Variants in TSNARE1 observed in about 807,000 individuals in gnomAD.
TSNARE1 encodes the protein t-SNARE domain-containing protein 1.
In TSNARE1, 49 loss-of-function variants were observed where a neutral mutation model predicts 62.0. The observed-to-expected ratio is 0.79, with a 90% CI of 0.63 to 1.00. TSNARE1 has a LOEUF of 1.00. Among genes scored for constraint, TSNARE1 ranks in the 50% least tolerant of loss-of-function variants. The pLI is 0.00. For synonymous variants in TSNARE1, 328 were observed against 294.4 expected (o/e 1.11, Z -1.17); for missense variants, 755 against 700.1 (o/e 1.08, Z -0.88).
At chr8:142,303,643 A>G (rs1826158556) in intron 9 of TSNARE1, among the ~76,000 whole-genome samples, 1 of 152,234 alleles carries the variant, frequency 6.6e-6, no homozygotes, top group African/African-American at 2.4e-5. Context: ...CCGGCTGGAC[A>G]CCGAACCAGT....
intron 13 of TSNARE1, among the ~76,000 whole-genome samples, chr8:142,227,378 C>G (rs1215984356): frequency 1.4e-4 from 16 of 111,404 alleles, no homozygotes; most frequent in Admixed American, 1.1e-3. Flanking sequence ...GCCAGGACCC[C>G]CATCCTGCCA....
intron 10 of TSNARE1, among the ~76,000 whole-genome samples, chr8:142,289,396 G>T (rs1823368449): frequency 6.6e-6 from 1 of 152,192 alleles, no homozygotes; most frequent in South Asian, 2.1e-4. Context: ...AGCAAGCCTG[G>T]GGCCCCTCCC....
At chr8:142,327,412 G>A (rs1460897469) in intron 6 of TSNARE1, among the ~76,000 whole-genome samples, 1 of 151,934 alleles carries the variant, frequency 6.6e-6, no homozygotes, top group Non-Finnish European at 1.5e-5. Context: ...CTCACAGTGG[G>A]ACTGAGGGGC....
chr8:142,317,020 C>T (rs751043058), intron 7 of TSNARE1, among the ~76,000 whole-genome samples: 86 of 152,066 alleles, frequency 5.7e-4, no homozygotes, highest in Middle Eastern at 3.4e-3. Context: ...ATTGGCGTCT[C>T]GCTCACACTG....
chr8:142,360,446 G>A (rs1347753289), intron 1 of TSNARE1, among the ~76,000 whole-genome samples: 1 of 152,180 alleles, frequency 6.6e-6, no homozygotes. Context: ...GGTGGGCAGA[G>A]GCTGCCAGGC....
In TSNARE1 at chr8:142,226,136, C is replaced by T. The variant is rs76653274; in HGVS notation, c.*11+3337G>A. Among the ~76,000 whole-genome samples the T allele has an allele frequency of 9.3e-3, 1,410 of 152,340 alleles. 12 individuals are homozygous for T. The highest frequency in any genetic ancestry group is 0.015 in the Non-Finnish European group (1,020 of 68,024). ...CTGTTCCCAAATAAGGCCATGTTCA[C>T]AGGTGCTGGGGTGGAGACCCTGATT... is the stretch of plus-strand genomic sequence containing the variant. On this transcript the variant is annotated intron_variant, in intron 13 of 13. Transcript: ENST00000524325.
Position 142,390,312 on chromosome 8 carries a change from G to A in TSNARE1, c.-40+12792C>T, listed in dbSNP as rs1241645569. Among the ~76,000 whole-genome samples the A allele has an allele frequency of 6.6e-5, 10 of 150,426 alleles. No individual in the cohort carries two copies. The South Asian group carries it at 8.6e-4, about 13-fold the overall frequency. On this transcript the variant is annotated intron_variant, in intron 1 of 13. Transcript: ENST00000524325. ...CACTGCGGGGGACTCCGTAACAGAC[G>A]CTGTACACTGCGGGGGACTCCGTAA...
At chr8:142,287,799 C>T (rs1286413339) in intron 10 of TSNARE1, among the ~76,000 whole-genome samples, 1 of 148,932 alleles carries the variant, frequency 6.7e-6, no homozygotes, top group Admixed American at 6.7e-5. Context: ...GTGGGCCACC[C>T]TCCAGGATGT....
intron 12 of TSNARE1, chr8:142,271,503 A>G: frequency 1.5e-6 from 2 of 1,328,518 alleles, no homozygotes; most frequent in Non-Finnish European, 1.9e-6. Flanking sequence ...GAGGGCGGGG[A>G]AGGCTGGAAG....
chr8:142,343,089 G>A (rs141429811), intron 4 of TSNARE1, among the ~76,000 whole-genome samples: 1 of 152,268 alleles, frequency 6.6e-6, no homozygotes, highest in East Asian at 1.9e-4. Flanking sequence ...TGACCCATCA[G>A]ACACCAATAA....
intron 6 of TSNARE1, among the ~76,000 whole-genome samples, chr8:142,323,812 G>A (rs1285251576): frequency 6.6e-6 from 1 of 152,206 alleles, no homozygotes; most frequent in Non-Finnish European, 1.5e-5. Context: ...CCTCCCGCTT[G>A]TGTCTCACTT....
intron 9 of TSNARE1, among the ~76,000 whole-genome samples, chr8:142,302,558 C>T (rs1033195301): frequency 6.6e-6 from 1 of 152,130 alleles, no homozygotes; most frequent in Non-Finnish European, 1.5e-5. Flanking sequence ...CTTGCTGTCC[C>T]CACCCCCGTC....
At position 142,344,246 on chromosome 8, in the gene TSNARE1, G is replaced by C; in HGVS notation, c.465C>G (p.Ala155=). 5 of 1,611,618 alleles carry C rather than the reference G, an allele frequency of 3.1e-6. No homozygotes were observed. The highest frequency in any genetic ancestry group is 4.2e-6 in the Non-Finnish European group (5 of 1,178,406). ...QLLFGTGLLK[A]EPTRRYRVWS... ...ACACGCGGTACCTGCGAGTGGGCTC[G>C]GCCTTCAGCAGCCCCGTGCCAAACA... Residue 155 remains alanine (A), a synonymous_variant, in exon 4 of 14, where the codon GCC becomes GCG. Transcript: ENST00000524325.
chr8:142,317,336 T>C (rs547303201), intron 7 of TSNARE1, among the ~76,000 whole-genome samples: 21 of 139,174 alleles, frequency 1.5e-4, no homozygotes, highest in Admixed American at 9.9e-4. Context: ...GAAGCGGGTA[T>C]GGCCAGCGGC....
chr8:142,275,993 C>T (rs943383700), intron 11 of TSNARE1: 1 of 985,448 alleles, frequency 1.0e-6, no homozygotes, highest in East Asian at 1.1e-4. Flanking sequence ...AACCCATGAG[C>T]CCTGCCTTCA....
At chr8:142,340,570 G>A (rs1162772710) in intron 4 of TSNARE1, among the ~76,000 whole-genome samples, 2 of 152,214 alleles carry the variant, frequency 1.3e-5, no homozygotes, top group African/African-American at 4.8e-5. Flanking sequence ...ACTTTAAAAG[G>A]GTGAAACGAC....
At chr8:142,399,401 G>A (rs1254815681) in intron 1 of TSNARE1, among the ~76,000 whole-genome samples, 1 of 152,212 alleles carries the variant, frequency 6.6e-6, no homozygotes, top group Non-Finnish European at 1.5e-5. Flanking sequence ...CCCGCGGGTG[G>A]GGTGGCAGAC....
rs1834573093 is a variant in TSNARE1, at chr8:142,354,741, G to A, written c.-17C>T. 6.2e-7 allele frequency: 1 copy of A among 1,605,352 alleles called. No homozygotes were observed. The highest frequency in any genetic ancestry group is 8.5e-7 in the Non-Finnish European group (1 of 1,172,772). ...GTATGACATCTTCTTACAGATGGCAGGGCCAGCAGCCTCCACACTGAGCTG... is the reference window on the plus strand; with the variant it reads ...GTATGACATCTTCTTACAGATGGCAAGGCCAGCAGCCTCCACACTGAGCTG... On this transcript the variant is annotated 5_prime_UTR_variant, in exon 2 of 14. Transcript: ENST00000524325.
intron 11 of TSNARE1, among the ~76,000 whole-genome samples, chr8:142,279,322 C>T (rs555806144): frequency 2.6e-5 from 4 of 152,226 alleles, no homozygotes; most frequent in Admixed American, 6.5e-5. Context: ...TCCGGCCACA[C>T]GACACCAGGC....
Sources: gnomAD v4.1 joint callset for allele counts (sites outside exome capture counted in the v4.1 genomes callset) on GRCh38, gnomAD v4.1.1 for gene constraint, MANE v1.5 for transcripts, NCBI Gene and HGNC (gene_info 2026-07-23, HGNC 2026-07-21) for gene names.